Variants in XRN2 observed in about 807,000 individuals in gnomAD.
XRN2 encodes DHM1-like protein.
XRN2 carries 44 observed loss-of-function variants against 138.5 expected under a neutral mutation model. The ratio of observed to expected loss-of-function variants is 0.32; its 90% CI spans 0.25 to 0.41. The LOEUF (loss-of-function observed/expected upper bound fraction) is 0.41, where lower values mean the gene tolerates loss of function less well. Among genes scored for constraint, XRN2 ranks in the 10% least tolerant of loss-of-function variants. XRN2 has a pLI of 1.00. For missense variants in XRN2, 937 were observed against 1,169.3 expected, an observed-to-expected ratio of 0.80 and a Z score of 2.90; for synonymous variants, 354 against 369.4, an observed-to-expected ratio of 0.96 and a Z score of 0.48.
chr20:21,368,920 A>G lies in XRN2; in HGVS notation c.2584+330A>G, dbSNP rs547042061. On this transcript the variant is annotated intron_variant, in intron 27 of 29. Transcript: ENST00000377191. ...TATCTTTTGTGTTAGAAATAATCCA[A>G]TTATATTCTTAATTATTTTGAAATG... Among the ~76,000 whole-genome samples, 13 of 152,262 alleles carry G rather than the reference A, an allele frequency of 8.5e-5. No homozygotes were observed. The East Asian group carries it at 1.3e-3, about 16-fold the overall frequency.
rs1433233356 is a variant in XRN2, at chr20:21,389,364, T to C, written c.*26T>C. ...GCTTTTGTAAAGCTTTCCCAAATCC[T>C]TTCATCATTCTACAGTTTTATGCTA... is the stretch of plus-strand genomic sequence containing the variant. On this transcript the variant is annotated 3_prime_UTR_variant, in exon 30 of 30. Coordinates refer to ENST00000377191, the MANE Select transcript of XRN2 (RefSeq NM_012255.5). 1 of 1,600,164 alleles carries C rather than the reference T, an allele frequency of 6.2e-7. No homozygotes were observed. Among genetic ancestry groups the C allele is most frequent in the Admixed American group, 1.7e-5 (1 of 58,324 alleles).
chr20:21,353,181 ATATT>A, intron 20 of XRN2, among the ~76,000 whole-genome samples: 1 of 145,550 alleles, frequency 6.9e-6, no homozygotes, highest in South Asian at 2.1e-4. Flanking sequence ...ATGTTTATAT[ATATT>A]TTATATATAT....
intron 4 of XRN2, 98 bp downstream of exon 4, chr20:21,328,768 T>G: frequency 8.7e-6 from 9 of 1,039,544 alleles, no homozygotes; most frequent in Non-Finnish European, 1.0e-5. Flanking sequence ...AAGCTTTTAA[T>G]TTAATAAGGA....
At chr20:21,344,372 T>C (rs2038409490) in intron 16 of XRN2, among the ~76,000 whole-genome samples, 164 bp downstream of exon 16, 1 of 152,192 alleles carries the variant, frequency 6.6e-6, no homozygotes, top group Non-Finnish European at 1.5e-5. Flanking sequence ...TAAATTCCAG[T>C]GAGATGTGTA....
chr20:21,327,603 AT>A (rs894965925), intron 3 of XRN2, among the ~76,000 whole-genome samples: 12 of 152,014 alleles, frequency 7.9e-5, no homozygotes, highest in South Asian at 4.1e-4. Flanking sequence ...TATTCAGCTA[AT>A]TTTTTTTGAA....
Position 21,332,360 on chromosome 20 carries a change from C to T in XRN2, c.778C>T (p.Pro260Ser). 1.2e-6 allele frequency: 2 copies of T among 1,613,706 alleles called. No individual in the cohort carries two copies. Among genetic ancestry groups the T allele is most frequent in the African/African-American group, 1.3e-5 (1 of 74,956 alleles). ...TAGAGAAGAATTCAAACCAAACAAG[C>T]CCAAACCATGTGGTCTTTGTAATCA... ...IIREEFKPNKPKPCGLCNQFG... is the reference protein window; with the variant it reads ...IIREEFKPNKSKPCGLCNQFG... Residue 260 changes from proline to serine, a missense_variant, in exon 9 of 30, where the codon CCC becomes TCC. Around this residue, in one of 6 missense-constraint regions of XRN2, gnomAD observed 471 missense variants for 581.2 expected, o/e 0.81. Transcript: ENST00000377191.
chr20:21,340,569 C>T, intron 14 of XRN2, 152 bp from the exon 15 acceptor site: 1 of 739,920 alleles, frequency 1.4e-6, no homozygotes, highest in Non-Finnish European at 2.1e-6. Context: ...GTGTAGACAA[C>T]CTTGTAATAT....
chr20:21,387,107 A>ATAGAGTAGCT, intron 29 of XRN2, 101 bp downstream of exon 29: 1 of 1,479,186 alleles, frequency 6.8e-7, no homozygotes, highest in Non-Finnish European at 9.1e-7. Flanking sequence ...GAAGACACTG[A>ATAGAGTAGCT]TAGAGTAGCT....
chr20:21,315,976 G>A (rs1269933149), intron 1 of XRN2, among the ~76,000 whole-genome samples: 1 of 152,160 alleles, frequency 6.6e-6, no homozygotes, highest in Non-Finnish European at 1.5e-5. Context: ...ATTTTGTCCG[G>A]TTGTGGTGAC....
intron 13 of XRN2, among the ~76,000 whole-genome samples, chr20:21,338,592 G>A (rs1206357407): frequency 6.6e-6 from 1 of 152,124 alleles, no homozygotes; most frequent in Non-Finnish European, 1.5e-5. Flanking sequence ...TTAGATAACA[G>A]AGTCTAATTA....
At chr20:21,349,603 CGTG>C in intron 20 of XRN2, 142 bp downstream of exon 20, 1 of 697,894 alleles carries the variant, frequency 1.4e-6, no homozygotes, top group Non-Finnish European at 2.4e-6. Context: ...ATTAGCCTGG[CGTG>C]GTGGCTTGCA....
chr20:21,330,055 G>A (rs1206044873), intron 4 of XRN2, among the ~76,000 whole-genome samples: 1 of 152,106 alleles, frequency 6.6e-6, no homozygotes, highest in African/African-American at 2.4e-5. Flanking sequence ...GGCCGAGGAC[G>A]GCAGATGACT....
chr20:21,314,507 C>G (rs2037930437), intron 1 of XRN2, among the ~76,000 whole-genome samples: 1 of 152,228 alleles, frequency 6.6e-6, no homozygotes. Flanking sequence ...CAGCCACTTT[C>G]CCAGGTTCTC....
In XRN2 at chr20:21,365,834, TATATATAATATATAATTAC is replaced by T. The variant is rs1452790969; in HGVS notation, c.2456+149_2456+167del. On this transcript the variant is annotated intron_variant, in intron 26 of 29. Coordinates refer to ENST00000377191, the MANE Select transcript of XRN2 (RefSeq NM_012255.5). ...ATATATGATTATATATTATATATAT[TATATATAATATATAATTAC>T]ATATATAATATATAATTATATATAA... The T allele has an allele frequency of 2.0e-4, 20 of 101,376 alleles. 1 individual carries two copies. Among genetic ancestry groups the T allele is most frequent in the East Asian group, 1.8e-3 (7 of 3,908 alleles). The allele number at this position is 101,376 out of a possible 1,614,324, so 6.3% of individuals were successfully genotyped here.
chr20:21,356,618 G>A lies in XRN2; in HGVS notation c.2151G>A (p.Gly717=). Residue 717 remains glycine, a synonymous_variant, in exon 23 of 30, where the codon GGG becomes GGA. Coordinates refer to ENST00000377191, the MANE Select transcript of XRN2 (RefSeq NM_012255.5). ...AGGTACCCCCTGAACTATGTCATGG[G>A]ATTCAAGGAAAGTTTTCTTTGGATG... is the stretch of plus-strand genomic sequence containing the variant. ...PVEVPPELCH[G]IQGKFSLDEE... is the part of the protein sequence containing the mutation. The A allele has an allele frequency of 2.5e-6, 4 of 1,613,684 alleles. No individual in the cohort carries two copies. The highest frequency in any genetic ancestry group is 2.5e-6 in the Non-Finnish European group (3 of 1,179,732).
chr20:21,320,693 C>G (rs966398352), intron 1 of XRN2, among the ~76,000 whole-genome samples: 3 of 152,092 alleles, frequency 2.0e-5, no homozygotes, highest in African/African-American at 7.2e-5. Flanking sequence ...CTCCCGGGTT[C>G]AAGCGATTCT....
At chr20:21,336,917 A>C (rs1167032043) in intron 13 of XRN2, among the ~76,000 whole-genome samples, 2 of 152,218 alleles carry the variant, frequency 1.3e-5, no homozygotes, top group Admixed American at 1.3e-4. Context: ...AGCACATTAC[A>C]GACAGAGGGA....
chr20:21,357,222 C>T (rs2038586586), intron 23 of XRN2, among the ~76,000 whole-genome samples: 1 of 152,026 alleles, frequency 6.6e-6, no homozygotes, highest in Non-Finnish European at 1.5e-5. Flanking sequence ...AACAAAAGCC[C>T]TTTGAGATTT....
chr20:21,315,864 A>G lies in XRN2; in HGVS notation c.76-10415A>G, dbSNP rs553515148. ...GAGTTTTAAAGAATGTATTCTGAAT[A>G]TAAGTCCCTTATAAGATAAATGATT... On this transcript the variant is annotated intron_variant, in intron 1 of 29. Coordinates refer to ENST00000377191, the MANE Select transcript of XRN2 (RefSeq NM_012255.5). Among the ~76,000 whole-genome samples the G allele has an allele frequency of 2.6e-5, 4 of 152,246 alleles. No individual in the cohort carries two copies. The South Asian group carries it at 8.3e-4, about 32-fold the overall frequency.
Sources: gnomAD v4.1 joint callset for allele counts (sites outside exome capture counted in the v4.1 genomes callset) on GRCh38, gnomAD v4.1.1 for gene constraint, gnomAD v4.1.1 regional missense constraint, MANE v1.5 for transcripts, NCBI Gene and HGNC (gene_info 2026-07-23, HGNC 2026-07-21) for gene names.